SEPTIN14: variants seen among roughly 807,000 people sequenced by gnomAD.
SEPTIN14 encodes septin 14.
SEPTIN14 carries 40 observed loss-of-function variants against 53.6 expected under a neutral mutation model. The observed-to-expected ratio is 0.75, with a 90% CI of 0.58 to 0.97. The LOEUF (loss-of-function observed/expected upper bound fraction) is 0.97. SEPTIN14 is among the 50% of genes least tolerant of loss of function. The pLI, the probability that SEPTIN14 is intolerant of heterozygous loss-of-function variation, is 0.00. For missense variants in SEPTIN14, 471 were observed against 508.2 expected (o/e 0.93, Z 0.70); for synonymous variants, 138 against 166.8 (o/e 0.83, Z 1.33).
At chr7:55,815,429 A>G (rs1788774930) in intron 7 of SEPTIN14, among the ~76,000 whole-genome samples, 1 of 152,218 alleles carries the variant, frequency 6.6e-6, no homozygotes, top group Admixed American at 6.5e-5. Flanking sequence ...TCAATAGGAA[A>G]AAAATCTAAT....
At chr7:55,830,704 T>C (rs746995692) in intron 6 of SEPTIN14, among the ~76,000 whole-genome samples, 1 of 151,898 alleles carries the variant, frequency 6.6e-6, no homozygotes, top group Non-Finnish European at 1.5e-5. Flanking sequence ...AATAGTTTTA[T>C]ATTCCTTTAA....
At chr7:55,845,772 G>A (rs888490521) in intron 3 of SEPTIN14, among the ~76,000 whole-genome samples, 19 of 151,766 alleles carry the variant, frequency 1.3e-4, no homozygotes, top group Non-Finnish European at 1.6e-4. Context: ...ATGCTAGGCC[G>A]GGTGCGGTGG....
intron 2 of SEPTIN14, among the ~76,000 whole-genome samples, chr7:55,855,726 G>C (rs1297724297): frequency 6.6e-6 from 1 of 151,976 alleles, no homozygotes; most frequent in Non-Finnish European, 1.5e-5. Context: ...ACTAATTTTT[G>C]TATTTTTAGT....
At chr7:55,809,425 G>A (rs758812449) in intron 7 of SEPTIN14, among the ~76,000 whole-genome samples, 9 of 146,892 alleles carry the variant, frequency 6.1e-5, no homozygotes, top group African/African-American at 7.6e-5. Context: ...GCACGATCTC[G>A]GCTCACTGCA....
intron 9 of SEPTIN14, among the ~76,000 whole-genome samples, chr7:55,802,623 A>G (rs932719437): frequency 5.9e-5 from 9 of 152,212 alleles, no homozygotes; most frequent in African/African-American, 2.2e-4. Flanking sequence ...CTTAACCGCT[A>G]TAAGATCTAA....
chr7:55,842,334 A>G (rs765877592), intron 5 of SEPTIN14, among the ~76,000 whole-genome samples: 2 of 152,072 alleles, frequency 1.3e-5, no homozygotes, highest in Non-Finnish European at 2.9e-5. Flanking sequence ...GACCAGGAAC[A>G]ATGGCTCATG....
At chr7:55,857,582 CTT>C (rs1162739964) in intron 2 of SEPTIN14, among the ~76,000 whole-genome samples, 11 of 21,602 alleles carry the variant, frequency 5.1e-4, no homozygotes, top group African/African-American at 7.2e-4. Context: ...GAGCCTGTGT[CTT>C]TTTTTTTTTT....
chr7:55,820,590 T>C (rs1788875109), intron 6 of SEPTIN14, among the ~76,000 whole-genome samples: 1 of 152,188 alleles, frequency 6.6e-6, no homozygotes, highest in African/African-American at 2.4e-5. Flanking sequence ...GCAGGATCTT[T>C]TGGCTTTTAA....
chr7:55,857,800 G>A (rs1789670221), intron 2 of SEPTIN14, among the ~76,000 whole-genome samples: 1 of 151,450 alleles, frequency 6.6e-6, no homozygotes, highest in Non-Finnish European at 1.5e-5. Flanking sequence ...TGTTAGCCAG[G>A]ATGGTCTCGA....
intron 7 of SEPTIN14, among the ~76,000 whole-genome samples, chr7:55,809,309 C>CTTTTTTTTTTT (rs780613537): frequency 1.1e-5 from 1 of 88,648 alleles, no homozygotes; most frequent in East Asian, 3.5e-4. Flanking sequence ...ACTATGCTTA[C>CTTTTTTTTTTT]TTTTTTTTTT....
chr7:55,843,209 C>A lies in SEPTIN14; in HGVS notation c.372-81G>T. On this transcript the variant is annotated intron_variant, in intron 4 of 9. Coordinates refer to ENST00000388975, the MANE Select transcript of SEPTIN14 (RefSeq NM_207366.3). ...TTTTGACCACTTAATGAGCAGTTAACATGTATGTAAGCAGTTTGCTATAGT... is the reference window on the plus strand; with the variant it reads ...TTTTGACCACTTAATGAGCAGTTAAAATGTATGTAAGCAGTTTGCTATAGT... The A allele has an allele frequency of 2.6e-6, 2 of 777,892 alleles. 1 individual carries two copies. The allele number at this position is 777,892 out of a possible 1,614,324, so 48.2% of individuals were successfully genotyped here. A position where few individuals can be genotyped will look rare whatever the true frequency, so the allele number is the denominator to read the frequency against.
chr7:55,809,468 G>A (rs572261319), intron 7 of SEPTIN14, among the ~76,000 whole-genome samples: 1 of 151,574 alleles, frequency 6.6e-6, no homozygotes, highest in South Asian at 2.1e-4. Flanking sequence ...TGATTCTCCT[G>A]CTTCAGCCTC....
At chr7:55,837,637 G>A (rs1344081702) in intron 5 of SEPTIN14, among the ~76,000 whole-genome samples, 1 of 151,824 alleles carries the variant, frequency 6.6e-6, no homozygotes, top group Non-Finnish European at 1.5e-5. Flanking sequence ...AGGCTGAAGT[G>A]CAATGGCGTG....
intron 7 of SEPTIN14, among the ~76,000 whole-genome samples, chr7:55,813,107 G>C (rs1788730794): frequency 1.3e-5 from 2 of 152,050 alleles, no homozygotes; most frequent in Admixed American, 6.6e-5. Flanking sequence ...ACACCACTAT[G>C]CCCAGCTAAT....
intron 5 of SEPTIN14, 80 bp downstream of exon 5, chr7:55,842,862 C>T (rs1039133956): frequency 1.3e-5 from 11 of 846,254 alleles, no homozygotes; most frequent in Admixed American, 7.2e-5. Flanking sequence ...GCGGTGAGAT[C>T]GCACCACTGC....
chr7:55,835,215 T>C (rs1789183606), intron 5 of SEPTIN14, among the ~76,000 whole-genome samples: 1 of 151,948 alleles, frequency 6.6e-6, no homozygotes, highest in African/African-American at 2.4e-5. Context: ...ATTTATTTAT[T>C]TTTCAGACAG....
chr7:55,817,881 T>C (rs1788822430), intron 7 of SEPTIN14, among the ~76,000 whole-genome samples: 1 of 152,200 alleles, frequency 6.6e-6, no homozygotes, highest in Non-Finnish European at 1.5e-5. Context: ...ACAATGTATA[T>C]GTATTTCAAA....
chr7:55,820,769 G>A (rs560232761), intron 6 of SEPTIN14, among the ~76,000 whole-genome samples: 7 of 152,082 alleles, frequency 4.6e-5, no homozygotes, highest in Non-Finnish European at 1.0e-4. Flanking sequence ...GTAAAACCCC[G>A]TCTCTACTAA....
At chr7:55,841,398 G>A (rs1265525578) in intron 5 of SEPTIN14, among the ~76,000 whole-genome samples, 2 of 152,040 alleles carry the variant, frequency 1.3e-5, no homozygotes, top group African/African-American at 4.8e-5. Flanking sequence ...AAAGGGCCCA[G>A]CGTCTATTAT....
Sources: gnomAD v4.1 joint callset for allele counts (sites outside exome capture counted in the v4.1 genomes callset) on GRCh38, gnomAD v4.1.1 for gene constraint, MANE v1.5 for transcripts, NCBI Gene and HGNC (gene_info 2026-07-23, HGNC 2026-07-21) for gene names.